CACNG5: variants seen among roughly 807,000 people sequenced by gnomAD.
CACNG5 encodes the protein voltage-dependent calcium channel gamma-5 subunit.
CACNG5 carries 18 observed loss-of-function variants against 24.8 expected under a neutral mutation model. That is an observed-to-expected ratio of 0.73 (90% CI 0.50 to 1.08). The LOEUF is 1.08. Ranked by LOEUF, CACNG5 falls within the 50% of genes least tolerant of loss-of-function variation. The pLI, the probability that CACNG5 is intolerant of heterozygous loss-of-function variation, is 0.00. For missense variants in CACNG5, 349 were observed against 367.9 expected (o/e 0.95, Z 0.42); for synonymous variants, 157 against 149.1 (o/e 1.05, Z -0.39).
At chr17:66,845,130 A>G (rs1351254389) in intron 1 of CACNG5, among the ~76,000 whole-genome samples, 1 of 152,232 alleles carries the variant, frequency 6.6e-6, no homozygotes, top group African/African-American at 2.4e-5. Context: ...GAATGAGTTC[A>G]TGTCCTTTGC....
intron 1 of CACNG5, among the ~76,000 whole-genome samples, chr17:66,836,167 C>T (rs1387282015): frequency 6.6e-6 from 1 of 152,100 alleles, no homozygotes; most frequent in Non-Finnish European, 1.5e-5. Flanking sequence ...AGCCCTTGTT[C>T]CCAGAAAGGA....
At chr17:66,877,724 T>C (rs747614474) in intron 2 of CACNG5, among the ~76,000 whole-genome samples, 196 bp downstream of exon 2, 119 of 152,318 alleles carry the variant, frequency 7.8e-4, no homozygotes, top group Non-Finnish European at 1.2e-3. Context: ...TCGATGTCCA[T>C]TTGAGCCAGT....
intron 1 of CACNG5, among the ~76,000 whole-genome samples, chr17:66,874,875 G>C (rs778940298): frequency 7.9e-5 from 12 of 152,256 alleles, no homozygotes; most frequent in Non-Finnish European, 1.5e-4. Flanking sequence ...ACCATCCTTG[G>C]TGTTTCAATT....
Position 66,850,981 on chromosome 17 carries a change from C to A in CACNG5, c.-104+15731C>A, listed in dbSNP as rs1188434092. 2.0e-5 allele frequency among the ~76,000 whole-genome samples: 3 copies of A among 152,266 alleles called. No individual in the cohort carries two copies. In the East Asian group the frequency reaches 5.8e-4, roughly 29 times the overall value. ...AGATATGTGCCATCATAGCTCAAGT[C>A]TGGAATTTTAATGCCTACCCATGGA... On this transcript the variant is annotated intron_variant, in intron 1 of 5. Transcript: ENST00000533854.
At chr17:66,845,461 TA>T (rs113767708) in intron 1 of CACNG5, among the ~76,000 whole-genome samples, 9 of 147,614 alleles carry the variant, frequency 6.1e-5, no homozygotes, top group African/African-American at 1.3e-4. Flanking sequence ...AAGTAAAATT[TA>T]AAAAAAAAAA....
chr17:66,873,625 A>G (rs1364665116), intron 1 of CACNG5, among the ~76,000 whole-genome samples: 2 of 152,292 alleles, frequency 1.3e-5, no homozygotes, highest in African/African-American at 4.8e-5. Context: ...GGCTTAGTCC[A>G]CTGTTGCTTA....
At chr17:66,872,844 G>A (rs754263261) in intron 1 of CACNG5, among the ~76,000 whole-genome samples, 16 of 152,146 alleles carry the variant, frequency 1.1e-4, no homozygotes, top group Admixed American at 9.8e-4. Flanking sequence ...AGTATCAAAC[G>A]AGAAGCCTTT....
intron 1 of CACNG5, among the ~76,000 whole-genome samples, chr17:66,841,260 T>C (rs1976563736): frequency 1.3e-5 from 2 of 152,118 alleles, no homozygotes; most frequent in South Asian, 4.1e-4. Flanking sequence ...TCACATTCAT[T>C]TGAGTTTCTG....
At chr17:66,838,507 G>A (rs1356700449) in intron 1 of CACNG5, among the ~76,000 whole-genome samples, 1 of 151,854 alleles carries the variant, frequency 6.6e-6, no homozygotes, top group African/African-American at 2.4e-5. Flanking sequence ...TCACCTGGGC[G>A]CCCAGGGGGC....
chr17:66,869,715 A>G (rs571631582), intron 1 of CACNG5, among the ~76,000 whole-genome samples: 1 of 152,314 alleles, frequency 6.6e-6, no homozygotes, highest in Non-Finnish European at 1.5e-5. Context: ...ACATCTAGGT[A>G]GTGAGAAGGA....
intron 1 of CACNG5, among the ~76,000 whole-genome samples, chr17:66,838,957 A>ATTTTTTTTTTTTTTTTTTTTTTTTTTTT (rs1435457390): frequency 1.6e-5 from 1 of 61,514 alleles, no homozygotes; most frequent in Non-Finnish European, 3.0e-5. Context: ...TCCCTCACCC[A>ATTTTTTTTTTTTTTTTTTTTTTTTTTTT]TTCTTTTTTT....
In CACNG5 at chr17:66,879,142, T is replaced by C. The variant is rs554313268; in HGVS notation, c.283+84T>C. The C allele has an allele frequency of 1.1e-4, 117 of 1,027,204 alleles. 1 individual carries two copies. The East Asian group carries it at 2.6e-3, about 23-fold the overall frequency. 63.6% of individuals were successfully genotyped at this position (1,027,204 alleles called of 1,614,324 possible). A position where few individuals can be genotyped will look rare whatever the true frequency, so the allele number is the denominator to read the frequency against. ...AGGGAAGAGTCAGTGTGCCAGCATA[T>C]TTCTCAAGAGGAATGCCCTTAGACT... On this transcript the variant is annotated intron_variant, in intron 3 of 5. Coordinates refer to ENST00000533854, the MANE Select transcript of CACNG5 (RefSeq NM_145811.3).
chr17:66,858,723 T>A (rs1384318719), intron 1 of CACNG5, among the ~76,000 whole-genome samples: 1 of 81,492 alleles, frequency 1.2e-5, no homozygotes, highest in Non-Finnish European at 2.3e-5. Context: ...AGGGGCCCCC[T>A]GAAGAGTGAA....
At chr17:66,844,801 TTAAG>T (rs760299682) in intron 1 of CACNG5, among the ~76,000 whole-genome samples, 3 of 152,046 alleles carry the variant, frequency 2.0e-5, no homozygotes, top group Non-Finnish European at 4.4e-5. Flanking sequence ...CACAGACAGG[TTAAG>T]TAACTCATCC....
intron 1 of CACNG5, among the ~76,000 whole-genome samples, chr17:66,855,759 A>G (rs899436034): frequency 2.6e-5 from 4 of 152,196 alleles, no homozygotes; most frequent in Admixed American, 6.5e-5. Flanking sequence ...GGCCTCCCAA[A>G]GTGCTGGGAT....
rs887508170 is a variant in CACNG5 at position 66,854,742 on chromosome 17, C to A, written c.-104+19492C>A. Among the ~76,000 whole-genome samples, 4 of 151,894 alleles carry A rather than the reference C, an allele frequency of 2.6e-5. No individual in the cohort carries two copies. In the South Asian group the frequency reaches 8.3e-4, roughly 32 times the overall value. On this transcript the variant is annotated intron_variant, in intron 1 of 5. Coordinates refer to ENST00000533854, the MANE Select transcript of CACNG5 (RefSeq NM_145811.3). ...AAGAAAAACTGTAGACTGTGCAGAA[C>A]GTTTCAGCACATACATATGGCAAAA...
chr17:66,836,375 C>A (rs1461844517), intron 1 of CACNG5, among the ~76,000 whole-genome samples: 1 of 152,216 alleles, frequency 6.6e-6, no homozygotes, highest in Non-Finnish European at 1.5e-5. Context: ...CCATTCCCCT[C>A]ATTTCCACAA....
rs543241244 is a variant in CACNG5 at position 66,844,042 on chromosome 17, C to G, written c.-104+8792C>G. On this transcript the variant is annotated intron_variant, in intron 1 of 5. Transcript: ENST00000533854. ...AACCAGACAGCAGATCTGTGCTGTC[C>G]CTTCCAGAGCCAGATGCTTGCAAGA... Among the ~76,000 whole-genome samples the G allele has an allele frequency of 3.9e-5, 6 of 152,192 alleles. No individual in the cohort carries two copies. The South Asian group carries it at 1.2e-3, about 32-fold the overall frequency.
intron 4 of CACNG5, among the ~76,000 whole-genome samples, chr17:66,881,158 AC>A (rs1274982223): frequency 3.9e-5 from 6 of 152,102 alleles, no homozygotes; most frequent in Non-Finnish European, 1.5e-5. Flanking sequence ...ACATCTGAGG[AC>A]CCTGGGCCCA....
Sources: gnomAD v4.1 joint callset for allele counts (sites outside exome capture counted in the v4.1 genomes callset) on GRCh38, gnomAD v4.1.1 for gene constraint, MANE v1.5 for transcripts, NCBI Gene and HGNC (gene_info 2026-07-23, HGNC 2026-07-21) for gene names.